COL5A1: variants seen among roughly 807,000 people sequenced by gnomAD.
COL5A1 encodes the protein collagen alpha-1(V) chain.
Under a neutral mutation model 263.7 loss-of-function variants are expected in COL5A1, and 16 were observed. The observed-to-expected ratio is 0.06, with a 90% CI of 0.04 to 0.09. COL5A1 has a LOEUF of 0.09. COL5A1 is among the 10% of genes least tolerant of loss of function. COL5A1 has a pLI of 1.00. For missense variants in COL5A1, 2,036 were observed against 2,540.5 expected, an observed-to-expected ratio of 0.80 and a Z score of 4.27; for synonymous variants, 1,012 against 1,004.5, an observed-to-expected ratio of 1.01 and a Z score of -0.14.
chr9:134,723,285 C>T (rs1418206084), intron 4 of COL5A1, among the ~76,000 whole-genome samples: 3 of 151,138 alleles, frequency 2.0e-5, no homozygotes, highest in South Asian at 2.1e-4. Flanking sequence ...GGAGGGGGCT[C>T]GGCGGTGCTG....
intron 18 of COL5A1, among the ~76,000 whole-genome samples, chr9:134,759,782 CACACAT>C (rs1836217797): frequency 8.0e-6 from 1 of 124,948 alleles, no homozygotes; most frequent in Non-Finnish European, 1.7e-5. Flanking sequence ...CACACTCATA[CACACAT>C]GCACACACAC....
intron 1 of COL5A1, among the ~76,000 whole-genome samples, chr9:134,674,551 G>A (rs568146159): frequency 6.6e-6 from 1 of 152,194 alleles, no homozygotes; most frequent in South Asian, 2.1e-4. Context: ...GGAGGGTACA[G>A]CACTATCCAT....
chr9:134,831,336 A>C (rs942329964), intron 64 of COL5A1, among the ~76,000 whole-genome samples: 3 of 152,216 alleles, frequency 2.0e-5, no homozygotes, highest in African/African-American at 4.8e-5. Flanking sequence ...GTCTGTGCTC[A>C]CCGTGGCTGT....
chr9:134,786,054 T>C lies in COL5A1; in HGVS notation c.2646+6T>C. ...CAGGAAGACAAGGACCAAAGGTAACTTCTGGCCGTGTTAGGTGTCCCGGGA... is the reference window on the plus strand; with the variant it reads ...CAGGAAGACAAGGACCAAAGGTAACCTCTGGCCGTGTTAGGTGTCCCGGGA... On this transcript the variant is annotated splice_donor_region_variant and intron_variant, in intron 31 of 65. Coordinates refer to ENST00000371817, the MANE Select transcript of COL5A1 (RefSeq NM_000093.5). 6.2e-7 allele frequency: 1 copy of C among 1,611,262 alleles called. No homozygotes were observed. Among genetic ancestry groups the C allele is most frequent in the Non-Finnish European group, 8.5e-7 (1 of 1,178,730 alleles).
In COL5A1 at chr9:134,800,346, G is replaced by A. The variant is rs535902093; in HGVS notation, c.2953-1608G>A. ...GGCATGCCCTTGACACCCATCCACC[G>A]TTCCTTACTTCTGACCCCATAAGTG... On this transcript the variant is annotated intron_variant, in intron 37 of 65. Coordinates refer to ENST00000371817, the MANE Select transcript of COL5A1 (RefSeq NM_000093.5). 5.9e-5 allele frequency among the ~76,000 whole-genome samples: 9 copies of A among 152,146 alleles called. No individual in the cohort carries two copies. The South Asian group carries it at 1.5e-3, about 25-fold the overall frequency.
chr9:134,722,909 G>C (rs1273025474), intron 4 of COL5A1, among the ~76,000 whole-genome samples: 1 of 152,176 alleles, frequency 6.6e-6, no homozygotes, highest in Admixed American at 6.5e-5. Flanking sequence ...TTGAGGGTTG[G>C]TGTCGGGGAG....
In COL5A1 at chr9:134,841,538, C is replaced by T. The variant is rs1830102613; in HGVS notation, c.5371-619C>T. Among the ~76,000 whole-genome samples, 1 of 152,142 alleles carries T rather than the reference C, an allele frequency of 6.6e-6. No individual in the cohort carries two copies. Among genetic ancestry groups the T allele is most frequent in the Non-Finnish European group, 1.5e-5 (1 of 68,020 alleles). The stretch of plus-strand genomic sequence containing the variant: ...TGCACTACCCCTGCCCTCTGTGCCT[C>T]AGTTTACCTAAGACTCCTCTAGACC... On this transcript the variant is annotated intron_variant, in intron 65 of 65. Coordinates refer to ENST00000371817, the MANE Select transcript of COL5A1 (RefSeq NM_000093.5). This position sits in a 1 kb window ranked among gnomAD's most constrained non-coding sequence, Gnocchi z 4.8.
At chr9:134,781,435 AG>A (rs1249864884) in intron 28 of COL5A1, among the ~76,000 whole-genome samples, 1 of 152,248 alleles carries the variant, frequency 6.6e-6, no homozygotes, top group Non-Finnish European at 1.5e-5. Context: ...TTACGAACAC[AG>A]GGTCCCCATC....
At chr9:134,733,832 C>T (rs540171790) in intron 9 of COL5A1, among the ~76,000 whole-genome samples, 3 of 152,368 alleles carry the variant, frequency 2.0e-5, no homozygotes, top group South Asian at 2.1e-4. Context: ...GTGGGACATC[C>T]GGTTGCATTT....
intron 9 of COL5A1, among the ~76,000 whole-genome samples, chr9:134,734,932 C>T (rs978585555): frequency 5.3e-5 from 8 of 152,126 alleles, no homozygotes; most frequent in East Asian, 3.9e-4. Flanking sequence ...TGCATTCGGC[C>T]GGGTGCGGTG....
At chr9:134,803,847 A>G (rs1242829699) in intron 39 of COL5A1, among the ~76,000 whole-genome samples, 1 of 151,066 alleles carries the variant, frequency 6.6e-6, no homozygotes, top group Admixed American at 6.6e-5. Context: ...CATCTCAAAA[A>G]AAAGAAAAAA....
intron 4 of COL5A1, among the ~76,000 whole-genome samples, chr9:134,718,410 C>T (rs1048678982): frequency 6.6e-5 from 10 of 152,214 alleles, no homozygotes; most frequent in African/African-American, 2.2e-4. Context: ...GTTATCAGAG[C>T]GAGGGATGGC....
At chr9:134,736,215 G>A (rs1279623859) in intron 9 of COL5A1, among the ~76,000 whole-genome samples, 4 of 152,092 alleles carry the variant, frequency 2.6e-5, no homozygotes, top group Admixed American at 6.5e-5. Flanking sequence ...TTAGTTCATT[G>A]TGAGCTGCTG....
chr9:134,699,982 C>T lies in COL5A1; in HGVS notation c.351C>T (p.Val117=). The T allele has an allele frequency of 6.2e-7, 1 of 1,613,920 alleles. No homozygotes were observed. Among genetic ancestry groups the T allele is most frequent in the Non-Finnish European group, 8.5e-7 (1 of 1,180,040 alleles). The change falls in exon 3 of 66, where the codon GTC becomes GTT. Residue 117 remains valine, a synonymous_variant. Coordinates refer to ENST00000371817, the MANE Select transcript of COL5A1 (RefSeq NM_000093.5). ...AGAAAGGCAGCCAGGCCTTCCTGGT[C>T]TCCATCTACAACGAGCAGGGTATCC... ...KAKKGSQAFL[V]SIYNEQGIQQ...
chr9:134,793,384 T>TGGGG (rs80045999), intron 32 of COL5A1, among the ~76,000 whole-genome samples: 154 of 151,208 alleles, frequency 1.0e-3, no homozygotes, highest in African/African-American at 3.4e-3. Context: ...CTAAGGAGGC[T>TGGGG]GGGGGGGGCA....
chr9:134,733,666 G>A (rs1012254936), intron 9 of COL5A1, among the ~76,000 whole-genome samples: 1 of 152,246 alleles, frequency 6.6e-6, no homozygotes, highest in Non-Finnish European at 1.5e-5. Flanking sequence ...CAGAGCAGCT[G>A]TGGGGGAGAG....
chr9:134,661,800 C>G (rs986052809), intron 1 of COL5A1, among the ~76,000 whole-genome samples: 2 of 152,220 alleles, frequency 1.3e-5, no homozygotes, highest in African/African-American at 4.8e-5. Context: ...GCTCTTCCAG[C>G]TGTGCTCCAG....
intron 4 of COL5A1, among the ~76,000 whole-genome samples, chr9:134,712,720 C>A (rs1447988553): frequency 6.9e-6 from 1 of 145,332 alleles, no homozygotes; most frequent in African/African-American, 2.5e-5. Context: ...TCCCTTTCTT[C>A]TTGCCCCCAT....
At chr9:134,836,134 C>T (rs773070173) in intron 65 of COL5A1, among the ~76,000 whole-genome samples, 45 of 152,166 alleles carry the variant, frequency 3.0e-4, no homozygotes, top group South Asian at 2.1e-4. Flanking sequence ...TAGAAAGGCA[C>T]GCCTGAGGCC....
Sources: gnomAD v4.1 joint callset for allele counts (sites outside exome capture counted in the v4.1 genomes callset) on GRCh38, gnomAD v4.1.1 for gene constraint, Gnocchi (gnomAD v3.1) non-coding constraint, MANE v1.5 for transcripts, NCBI Gene and HGNC (gene_info 2026-07-23, HGNC 2026-07-21) for gene names.